AGBL1: variants seen among roughly 807,000 people sequenced by gnomAD.
The protein encoded by AGBL1 is AGBL carboxypeptidase 1.
In AGBL1, 130 loss-of-function variants were observed where a neutral mutation model predicts 118.9. The observed-to-expected ratio is 1.09, with a 90% CI of 0.95 to 1.26. The LOEUF (loss-of-function observed/expected upper bound fraction) is 1.26. Ranked by LOEUF, AGBL1 falls within the 50% of genes most tolerant of loss-of-function variation. The pLI, the probability that AGBL1 is intolerant of heterozygous loss-of-function variation, is 0.00. For synonymous variants in AGBL1, 555 were observed against 478.9 expected (o/e 1.16, Z -2.08); for missense variants, 1,584 against 1,298.1 (o/e 1.22, Z -3.38).
At chr15:86,953,400 AT>A (rs61019726) in intron 23 of AGBL1, among the ~76,000 whole-genome samples, 32,128 of 133,842 alleles carry the variant, frequency 0.24, 3,504 homozygotes, top group South Asian at 0.35. Flanking sequence ...CTGTATTTGG[AT>A]TTTTTTTTTT....
intron 18 of AGBL1, among the ~76,000 whole-genome samples, chr15:86,462,877 A>G (rs1043491999): frequency 2.0e-5 from 3 of 152,148 alleles, no homozygotes; most frequent in Non-Finnish European, 4.4e-5. Flanking sequence ...ATTCTTAGCT[A>G]TTGTGAATAG....
chr15:86,585,486 C>T (rs145857919), intron 21 of AGBL1, among the ~76,000 whole-genome samples: 177 of 152,136 alleles, frequency 1.2e-3, no homozygotes, highest in African/African-American at 4.0e-3. Flanking sequence ...CTTGAACTCC[C>T]GAGTGGCTGG....
chr15:86,850,232 G>A (rs2079387334), intron 22 of AGBL1, among the ~76,000 whole-genome samples: 1 of 44,928 alleles, frequency 2.2e-5, no homozygotes, highest in East Asian at 2.2e-3. Flanking sequence ...GTAGCAAGAT[G>A]TCACATTCTT....
rs143337708 is a variant in AGBL1 at position 86,135,004 on chromosome 15, C to A, written c.52-7000C>A. 3.5e-3 allele frequency among the ~76,000 whole-genome samples: 527 copies of A among 152,106 alleles called. 2 individuals carry two copies. The highest frequency in any genetic ancestry group is 5.7e-3 in the Non-Finnish European group (389 of 67,992). On this transcript the variant is annotated intron_variant, in intron 1 of 22. Coordinates refer to ENST00000614907, the MANE Select transcript of AGBL1 (RefSeq NM_001386094.1). ...ACCAAGTCACATGTTGAGATCTGAA[C>A]CCCAATGTTGGAGTTGGGGCCTAAT...
intron 22 of AGBL1, among the ~76,000 whole-genome samples, chr15:86,729,226 C>G (rs927704945): frequency 2.0e-5 from 3 of 152,214 alleles, no homozygotes; most frequent in African/African-American, 7.2e-5. Flanking sequence ...TAGGTTTTAA[C>G]TGAAAAATAG....
chr15:86,200,653 G>T (rs1217536779), intron 5 of AGBL1, among the ~76,000 whole-genome samples: 1 of 136,358 alleles, frequency 7.3e-6, no homozygotes, highest in Non-Finnish European at 1.5e-5. Flanking sequence ...TCTCGCTCTT[G>T]TCACCCAGGC....
At chr15:86,942,873 C>T (rs983023046) in intron 23 of AGBL1, among the ~76,000 whole-genome samples, 14 of 152,194 alleles carry the variant, frequency 9.2e-5, no homozygotes, top group Non-Finnish European at 1.5e-4. Flanking sequence ...CCAATAGTTG[C>T]TAATATCTCA....
chr15:86,118,518 A>G (rs1897902623), intron 1 of AGBL1, among the ~76,000 whole-genome samples: 1 of 151,030 alleles, frequency 6.6e-6, no homozygotes, highest in Non-Finnish European at 1.5e-5. Flanking sequence ...AATTTCCTTT[A>G]TTTGGTTGCT....
intron 24 of AGBL1, among the ~76,000 whole-genome samples, chr15:87,003,083 T>A (rs1567281650): frequency 6.6e-6 from 1 of 152,220 alleles, no homozygotes; most frequent in Non-Finnish European, 1.5e-5. Context: ...CTTCCAGTTT[T>A]TGCCCATTCA....
chr15:86,752,075 A>G (rs2077862947), intron 22 of AGBL1, among the ~76,000 whole-genome samples: 1 of 152,070 alleles, frequency 6.6e-6, no homozygotes, highest in Non-Finnish European at 1.5e-5. Flanking sequence ...GTCATTCTGT[A>G]AATCACACAC....
intron 18 of AGBL1, among the ~76,000 whole-genome samples, chr15:86,465,481 C>T (rs767216782): frequency 1.2e-4 from 18 of 152,240 alleles, no homozygotes; most frequent in South Asian, 6.2e-4. Context: ...TGACTGCCTG[C>T]GGGGCCGGGA....
At chr15:86,149,795 A>G (rs1035374144) in intron 3 of AGBL1, among the ~76,000 whole-genome samples, 3 of 152,022 alleles carry the variant, frequency 2.0e-5, no homozygotes, top group Non-Finnish European at 4.4e-5. Flanking sequence ...CATCTACAGC[A>G]CTCTCCACCC....
chr15:86,200,779 G>T (rs2077895730), intron 5 of AGBL1, among the ~76,000 whole-genome samples: 1 of 151,746 alleles, frequency 6.6e-6, no homozygotes, highest in African/African-American at 2.4e-5. Context: ...ACCACGCCCG[G>T]CTAATTGTTG....
intron 23 of AGBL1, among the ~76,000 whole-genome samples, chr15:86,986,560 GGA>G (rs2081284883): frequency 1.3e-5 from 2 of 151,958 alleles, no homozygotes; most frequent in East Asian, 3.9e-4. Flanking sequence ...AGGAGGAGGA[GGA>G]GGAGGAAAAA....
intron 17 of AGBL1, among the ~76,000 whole-genome samples, chr15:86,319,173 C>T (rs1266265547): frequency 6.6e-6 from 1 of 152,148 alleles, no homozygotes; most frequent in East Asian, 1.9e-4. Context: ...CAAAGTCTCT[C>T]CTAACCGAGT....
At chr15:86,829,781 A>C (rs990855239) in intron 22 of AGBL1, among the ~76,000 whole-genome samples, 1 of 152,086 alleles carries the variant, frequency 6.6e-6, no homozygotes, top group Non-Finnish European at 1.5e-5. Flanking sequence ...TTTTTTAAAA[A>C]TTATAATATT....
intron 5 of AGBL1, among the ~76,000 whole-genome samples, chr15:86,176,218 G>C (rs1161139527): frequency 1.3e-5 from 2 of 152,190 alleles, no homozygotes; most frequent in Non-Finnish European, 2.9e-5. Context: ...CTGTCCTGAA[G>C]CCTGCTGATG....
chr15:86,973,457 G>A (rs1053364254), intron 23 of AGBL1, among the ~76,000 whole-genome samples: 1 of 151,538 alleles, frequency 6.6e-6, no homozygotes, highest in Non-Finnish European at 1.5e-5. Flanking sequence ...AAGTCACTCA[G>A]TGTCAGCCTA....
chr15:86,124,759 T>A (rs983435876), intron 1 of AGBL1, among the ~76,000 whole-genome samples: 1 of 152,166 alleles, frequency 6.6e-6, no homozygotes. Context: ...CCATTCATTA[T>A]CAACTGCTTG....
Sources: gnomAD v4.1 joint callset for allele counts (sites outside exome capture counted in the v4.1 genomes callset) on GRCh38, gnomAD v4.1.1 for gene constraint, MANE v1.5 for transcripts, NCBI Gene and HGNC (gene_info 2026-07-23, HGNC 2026-07-21) for gene names.